STS: variants seen among roughly 807,000 people sequenced by gnomAD.
STS encodes steroid sulfatase.
STS carries 7 observed loss-of-function variants against 26.8 expected under a neutral mutation model. The observed-to-expected ratio is 0.26, with a 90% CI of 0.15 to 0.49. STS has a LOEUF of 0.49. Among genes scored for constraint, STS ranks in the 20% least tolerant of loss-of-function variants. The pLI is 0.98. For synonymous variants in STS, 199 were observed against 189.4 expected (o/e 1.05, Z -0.42); for missense variants, 434 against 465.6 (o/e 0.93, Z 0.63).
At chrX:7,165,952 T>C (rs1308619103) in intron 1 of STS, among the ~76,000 whole-genome samples, 1 of 110,820 alleles carries the variant, frequency 9.0e-6, no homozygotes, top group African/African-American at 3.3e-5. Flanking sequence ...TAACTTTGTG[T>C]GGTGCCTCAT....
intron 8 of STS, among the ~76,000 whole-genome samples, chrX:7,323,939 C>G (rs1456624737): frequency 1.8e-5 from 2 of 111,309 alleles, no homozygotes; most frequent in Non-Finnish European, 3.8e-5. Flanking sequence ...CTCTGACTCC[C>G]TCTTTCCCTT....
chrX:7,239,228 G>A (rs1209958051), intron 2 of STS, among the ~76,000 whole-genome samples: 1 of 111,602 alleles, frequency 9.0e-6, no homozygotes, highest in African/African-American at 3.3e-5. Context: ...ATTTCAGAAT[G>A]GGTTTTTTCT....
At chrX:7,320,246 GA>G (rs772474868) in intron 8 of STS, among the ~76,000 whole-genome samples, 28 of 104,586 alleles carry the variant, frequency 2.7e-4, no homozygotes, top group African/African-American at 9.7e-4. Context: ...AGGTAGTACA[GA>G]GGTATATTTT....
intron 7 of STS, among the ~76,000 whole-genome samples, chrX:7,298,068 A>T (rs973479193): frequency 5.4e-5 from 6 of 111,048 alleles, no homozygotes; most frequent in African/African-American, 2.0e-4. Context: ...AACTTCTCCT[A>T]TTTAACTATT....
chrX:7,332,624 C>T (rs927097088), intron 9 of STS, among the ~76,000 whole-genome samples: 19 of 111,016 alleles, frequency 1.7e-4, no homozygotes, highest in African/African-American at 5.6e-4. Flanking sequence ...GTCTAATTCT[C>T]ATGCCTGCCC....
At chrX:7,166,197 G>A (rs767562329) in intron 1 of STS, among the ~76,000 whole-genome samples, 10 of 110,255 alleles carry the variant, frequency 9.1e-5, no homozygotes, top group African/African-American at 3.0e-4. Context: ...TTGTAGAATC[G>A]GGGTCTCATC....
chrX:7,340,839 C>T (rs1428795094), intron 10 of STS, among the ~76,000 whole-genome samples: 1 of 111,527 alleles, frequency 9.0e-6, no homozygotes, highest in East Asian at 2.8e-4. Context: ...TGTGTCTACC[C>T]TAAACGCATA....
chrX:7,205,718 T>C (rs748432129), intron 2 of STS, among the ~76,000 whole-genome samples: 4 of 105,065 alleles, frequency 3.8e-5, no homozygotes, highest in South Asian at 4.7e-4. Flanking sequence ...AGTGATGCGA[T>C]CATAGCAATC....
At chrX:7,252,394 G>A in intron 2 of STS, 2 of 533,333 alleles carry the variant, frequency 3.8e-6, no homozygotes, top group Non-Finnish European at 4.6e-6. Flanking sequence ...ACCTTCCGGG[G>A]AACCAAGCCA....
At chrX:7,343,610 T>G (rs1412865898) in intron 10 of STS, among the ~76,000 whole-genome samples, 1 of 111,878 alleles carries the variant, frequency 8.9e-6, no homozygotes, top group East Asian at 2.8e-4. Context: ...ATCACGTATG[T>G]AAGAAACTGC....
At chrX:7,171,606 A>G (rs1371832893) in intron 1 of STS, among the ~76,000 whole-genome samples, 7 of 112,202 alleles carry the variant, frequency 6.2e-5, no homozygotes, top group Admixed American at 4.8e-4. Flanking sequence ...CAGCCGATAA[A>G]TGATGAGATT....
intron 6 of STS, among the ~76,000 whole-genome samples, chrX:7,264,085 C>T (rs1371475881): frequency 3.6e-5 from 4 of 111,601 alleles, no homozygotes; most frequent in Non-Finnish European, 7.5e-5. Context: ...CTGACAGGCA[C>T]TTGCTGGAGG....
chrX:7,201,259 GGATA>G lies in STS; in HGVS notation c.-5+10261_-5+10264del, dbSNP rs775422070. The stretch of plus-strand genomic sequence containing the variant: ...ATAGGTTGATGTCAGATAGATGGAT[GGATA>G]GATAGATAGCAGTTTCCATTTCTGT... On this transcript the variant is annotated intron_variant, in intron 2 of 10. Transcript: ENST00000674429. 2.0e-3 allele frequency among the ~76,000 whole-genome samples: 222 copies of G among 111,603 alleles called. 1 individual carries two copies. The highest frequency in any genetic ancestry group is 6.5e-3 in the African/African-American group (199 of 30,733).
At chrX:7,342,424 C>G (rs778579370) in intron 10 of STS, among the ~76,000 whole-genome samples, 1 of 111,865 alleles carries the variant, frequency 8.9e-6, no homozygotes, top group Admixed American at 9.5e-5. Context: ...CCACTTTGTT[C>G]CAGGTTATAT....
At chrX:7,182,851 C>T (rs973823655) in intron 1 of STS, among the ~76,000 whole-genome samples, 6 of 110,302 alleles carry the variant, frequency 5.4e-5, no homozygotes, top group Non-Finnish European at 9.4e-5. Context: ...GCTGAATAGT[C>T]CCCCCAAAAT....
chrX:7,174,985 C>A (rs937213425), intron 1 of STS, among the ~76,000 whole-genome samples: 1 of 110,863 alleles, frequency 9.0e-6, no homozygotes, highest in Non-Finnish European at 1.9e-5. Flanking sequence ...TCTGGAACTT[C>A]TTTTCGAAGG....
At chrX:7,170,968 T>C (rs1242603338) in intron 1 of STS, among the ~76,000 whole-genome samples, 2 of 111,734 alleles carry the variant, frequency 1.8e-5, no homozygotes, top group Non-Finnish European at 3.8e-5. Context: ...TCATTTCCTA[T>C]TAATGGCTGG....
chrX:7,350,528 A>G lies in STS; in HGVS notation c.*267A>G, dbSNP rs1928752117. On this transcript the variant is annotated 3_prime_UTR_variant, in exon 11 of 11. Coordinates refer to ENST00000674429, the MANE Select transcript of STS (RefSeq NM_001320752.2). Reference sequence around the variant, plus strand: ...TCTTGGACTCATGGAAATAGAATGAATAGAGGGGCATTCACAAGGCACACC... The same window carrying G: ...TCTTGGACTCATGGAAATAGAATGAGTAGAGGGGCATTCACAAGGCACACC... 4 of 380,876 alleles carry G rather than the reference A, an allele frequency of 1.1e-5. No homozygotes were observed. The East Asian group carries it at 1.7e-4, about 16-fold the overall frequency. 31.4% of individuals were successfully genotyped at this position (380,876 alleles called of 1,213,427 possible).
chrX:7,149,748 A>G (rs190075606), intron 1 of STS, among the ~76,000 whole-genome samples: 75 of 111,812 alleles, frequency 6.7e-4, no homozygotes, highest in Non-Finnish European at 1.2e-3. Context: ...GGCTGTGAGG[A>G]AAGGACCTAT....
Sources: gnomAD v4.1 joint callset for allele counts (sites outside exome capture counted in the v4.1 genomes callset) on GRCh38, gnomAD v4.1.1 for gene constraint, MANE v1.5 for transcripts, NCBI Gene and HGNC (gene_info 2026-07-23, HGNC 2026-07-21) for gene names.